The following LDB2 variants were observed in gnomAD, a reference collection of about 807,000 sequenced individuals.
LDB2 encodes LIM domain binding 2.
LDB2 carries 12 observed loss-of-function variants against 44.3 expected under a neutral mutation model. The ratio of observed to expected loss-of-function variants is 0.27; its 90% CI spans 0.17 to 0.44. The LOEUF is 0.44. LDB2 is among the 20% of genes least tolerant of loss of function. LDB2 has a pLI of 1.00. For missense variants in LDB2, 344 were observed against 473.5 expected (o/e 0.73, Z 2.54); for synonymous variants, 164 against 174.8 (o/e 0.94, Z 0.49).
intron 2 of LDB2, among the ~76,000 whole-genome samples, chr4:16,743,763 C>G (rs1281415756): frequency 6.6e-6 from 1 of 152,136 alleles, no homozygotes; most frequent in East Asian, 1.9e-4. Context: ...TGCCAACAAG[C>G]CTCAGCCCCA....
At chr4:16,606,923 C>T (rs1382933239) in intron 2 of LDB2, among the ~76,000 whole-genome samples, 1 of 152,158 alleles carries the variant, frequency 6.6e-6, no homozygotes, top group Non-Finnish European at 1.5e-5. Context: ...GAGAAACAGA[C>T]ATATGTGTGT....
At chr4:16,601,590 A>G (rs1722593216) in intron 2 of LDB2, among the ~76,000 whole-genome samples, 2 of 152,192 alleles carry the variant, frequency 1.3e-5, no homozygotes, top group East Asian at 3.8e-4. Context: ...GGTAAACTTA[A>G]TTATATTAAA....
chr4:16,676,129 C>T (rs1424607328), intron 2 of LDB2, among the ~76,000 whole-genome samples: 1 of 152,194 alleles, frequency 6.6e-6, no homozygotes, highest in Admixed American at 6.5e-5. Flanking sequence ...TTTCCCACCG[C>T]AGGGCGTGGA....
At chr4:16,809,751 A>AAC (rs1561302562) in intron 1 of LDB2, among the ~76,000 whole-genome samples, 1 of 151,814 alleles carries the variant, frequency 6.6e-6, no homozygotes, top group African/African-American at 2.4e-5. Context: ...CAAAAAAAAA[A>AAC]CGGAACTACA....
chr4:16,891,370 T>C (rs144851608), intron 1 of LDB2, among the ~76,000 whole-genome samples: 3,985 of 137,190 alleles, frequency 0.029, 88 homozygotes, highest in Middle Eastern at 0.065. Flanking sequence ...TGGAGTGCAG[T>C]GGGACAATCT....
At chr4:16,724,966 A>G (rs961170592) in intron 2 of LDB2, among the ~76,000 whole-genome samples, 2 of 152,166 alleles carry the variant, frequency 1.3e-5, no homozygotes, top group Non-Finnish European at 2.9e-5. Flanking sequence ...TGATTTGCAG[A>G]TGGAGATACC....
intron 2 of LDB2, among the ~76,000 whole-genome samples, chr4:16,613,480 T>C (rs1418405729): frequency 6.6e-6 from 1 of 152,200 alleles, no homozygotes; most frequent in Non-Finnish European, 1.5e-5. Flanking sequence ...CATATGTTTA[T>C]TTATGAAATG....
chr4:16,790,078 C>A (rs899272296), intron 1 of LDB2, among the ~76,000 whole-genome samples: 2 of 152,162 alleles, frequency 1.3e-5, no homozygotes, highest in African/African-American at 4.8e-5. Context: ...TCCCTGTATA[C>A]CCTTTTGAAA....
At chr4:16,727,288 T>C (rs971006951) in intron 2 of LDB2, among the ~76,000 whole-genome samples, 1 of 152,190 alleles carries the variant, frequency 6.6e-6, no homozygotes, top group Non-Finnish European at 1.5e-5. Context: ...GGTTCTTTTC[T>C]GCAGAAAGGA....
intron 1 of LDB2, among the ~76,000 whole-genome samples, chr4:16,824,593 A>G (rs1005503712): frequency 1.3e-5 from 2 of 152,238 alleles, no homozygotes; most frequent in Non-Finnish European, 2.9e-5. Flanking sequence ...TCCAAGAGGC[A>G]AAGTGGAATT....
chr4:16,797,115 C>T (rs1215658869), intron 1 of LDB2, among the ~76,000 whole-genome samples: 1 of 152,046 alleles, frequency 6.6e-6, no homozygotes, highest in Non-Finnish European at 1.5e-5. Flanking sequence ...TTTCAGGACC[C>T]CTGCATTGAC....
chr4:16,854,553 A>T (rs1370179977), intron 1 of LDB2, among the ~76,000 whole-genome samples: 1 of 150,780 alleles, frequency 6.6e-6, no homozygotes, highest in African/African-American at 2.4e-5. Context: ...AATATATACT[A>T]TGTATTGTTT....
Position 16,588,911 on chromosome 4 carries a change from G to A in LDB2, c.409-79C>T, listed in dbSNP as rs557513561. The A allele has an allele frequency of 9.3e-5, 142 of 1,518,918 alleles. No homozygotes were observed. In the African/African-American group the frequency reaches 1.3e-3, roughly 14 times the overall value. 94.1% of individuals were successfully genotyped at this position (1,518,918 alleles called of 1,614,324 possible). A position where few individuals can be genotyped will look rare whatever the true frequency, so the allele number is the denominator to read the frequency against. On this transcript the variant is annotated intron_variant, in intron 3 of 7. Coordinates refer to ENST00000304523, the MANE Select transcript of LDB2 (RefSeq NM_001290.5). ...TTTGTAACTCACATAGCCACTCAGC[G>A]TGGTCTCCCTTTCTGTCCTTGGGCA...
Position 16,547,793 on chromosome 4 carries a change from G to A in LDB2, c.616-35689C>T, listed in dbSNP as rs118127823. ...TTATTTGAACTTGGGCCAGTTTTCT[G>A]TCTTGTTACCTCAGTTTTCTCATCT... On this transcript the variant is annotated intron_variant, in intron 5 of 7. Transcript: ENST00000304523. Among the ~76,000 whole-genome samples, 367 of 152,216 alleles carry A rather than the reference G, an allele frequency of 2.4e-3. 10 individuals carry two copies. In the East Asian group the frequency reaches 0.062, roughly 26 times the overall value.
At chr4:16,692,955 T>C (rs767101922) in intron 2 of LDB2, among the ~76,000 whole-genome samples, 1 of 152,204 alleles carries the variant, frequency 6.6e-6, no homozygotes, top group Non-Finnish European at 1.5e-5. Flanking sequence ...TAGAGATTAT[T>C]ACAAAAGTGT....
At chr4:16,727,744 A>T (rs1331646256) in intron 2 of LDB2, among the ~76,000 whole-genome samples, 3 of 150,368 alleles carry the variant, frequency 2.0e-5, no homozygotes, top group African/African-American at 7.4e-5. Flanking sequence ...TACCATTAAA[A>T]CCTCTAATTT....
At chr4:16,560,812 G>T (rs886728953) in intron 5 of LDB2, among the ~76,000 whole-genome samples, 149 of 152,148 alleles carry the variant, frequency 9.8e-4, no homozygotes, top group African/African-American at 3.2e-3. Flanking sequence ...AATGCAAAAA[G>T]CCTCAATAAA....
chr4:16,815,699 G>T (rs1465664007), intron 1 of LDB2, among the ~76,000 whole-genome samples: 2 of 152,130 alleles, frequency 1.3e-5, no homozygotes, highest in African/African-American at 4.8e-5. Flanking sequence ...CTCAGTACTA[G>T]ATTCCAGTTC....
intron 1 of LDB2, among the ~76,000 whole-genome samples, chr4:16,880,323 G>A (rs1303962766): frequency 6.6e-6 from 1 of 152,148 alleles, no homozygotes; most frequent in Non-Finnish European, 1.5e-5. Context: ...CAAAAAGGCA[G>A]CTGACCAAGG....
Sources: allele counts gnomAD v4.1 joint callset (sites outside exome capture counted in the v4.1 genomes callset), GRCh38; gene constraint gnomAD v4.1.1; transcripts MANE v1.5; gene names NCBI Gene and HGNC (gene_info 2026-07-23, HGNC 2026-07-21).